Variants in SNX29 observed in about 807,000 individuals in gnomAD.
The protein encoded by SNX29 is sorting nexin 29.
Under a neutral mutation model 102.1 loss-of-function variants are expected in SNX29, and 78 were observed. That is an observed-to-expected ratio of 0.76 (90% CI 0.64 to 0.92). The LOEUF (loss-of-function observed/expected upper bound fraction) is 0.92. Ranked by LOEUF, SNX29 falls within the 40% of genes least tolerant of loss-of-function variation. The probability of loss-of-function intolerance (pLI) is 0.00; values close to 1 mark genes in which losing one functional copy is unlikely to be tolerated. For synonymous variants in SNX29, 580 were observed against 414.5 expected (o/e 1.40, Z -4.85); for missense variants, 1,280 against 1,061.7 (o/e 1.21, Z -2.86).
chr16:12,470,779 C>T (rs1385890272), intron 18 of SNX29, among the ~76,000 whole-genome samples: 1 of 152,198 alleles, frequency 6.6e-6, no homozygotes. Context: ...CTATAATTAG[C>T]CCTAATTCTG....
chr16:12,483,536 C>T (rs988231340), intron 19 of SNX29, among the ~76,000 whole-genome samples: 2 of 151,774 alleles, frequency 1.3e-5, no homozygotes, highest in South Asian at 2.1e-4. Flanking sequence ...AGGCTGGTCT[C>T]GAACTCCTGA....
chr16:12,073,065 C>G (rs1384653457), intron 10 of SNX29, among the ~76,000 whole-genome samples: 1 of 151,564 alleles, frequency 6.6e-6, no homozygotes, highest in African/African-American at 2.4e-5. Context: ...CTCTTTTTTT[C>G]TTTATTAGTC....
chr16:12,551,379 C>G (rs1178636197), intron 20 of SNX29, among the ~76,000 whole-genome samples: 1 of 152,156 alleles, frequency 6.6e-6, no homozygotes, highest in African/African-American at 2.4e-5. Context: ...GCAGAACTTC[C>G]CCAACAGTAG....
intron 15 of SNX29, among the ~76,000 whole-genome samples, chr16:12,303,765 T>G (rs1000326654): frequency 6.6e-6 from 1 of 152,244 alleles, no homozygotes; most frequent in African/African-American, 2.4e-5. Context: ...TGAAGTGTTT[T>G]GTAATTTAAA....
In SNX29 at chr16:12,571,851, G is replaced by A. The variant is rs529346804; in HGVS notation, c.*3222G>A. 5.7e-5 allele frequency: 60 copies of A among 1,058,756 alleles called. No individual in the cohort carries two copies. The highest frequency in any genetic ancestry group is 6.6e-5 in the Non-Finnish European group (58 of 874,428). The allele number at this position is 1,058,756 out of a possible 1,614,324, so 65.6% of individuals were successfully genotyped here. The stretch of plus-strand genomic sequence containing the variant: ...CCACTTAGCAGTATGCTCCAATCAC[G>A]TTGCTGGCAAGGCATTTTAGAGTTT... On this transcript the variant is annotated 3_prime_UTR_variant, in exon 21 of 21. Transcript: ENST00000566228.
intron 19 of SNX29, among the ~76,000 whole-genome samples, chr16:12,487,496 C>G (rs2088305112): frequency 6.6e-6 from 1 of 152,164 alleles, no homozygotes; most frequent in South Asian, 2.1e-4. Context: ...TGCCCAAGCT[C>G]CCGTAGCTTG....
At chr16:12,062,638 G>T (rs1331278527) in intron 9 of SNX29, among the ~76,000 whole-genome samples, 2 of 152,102 alleles carry the variant, frequency 1.3e-5, no homozygotes, top group East Asian at 3.9e-4. Context: ...GGTCAGAGAA[G>T]ACTTGGCCCA....
rs746923870 is a variant in SNX29, at chr16:12,392,392, T to C, written c.1900-6054T>C. On this transcript the variant is annotated intron_variant, in intron 16 of 20. Transcript: ENST00000566228. ...AAGTAGATGTCCATTCTTAGTGAAG[T>C]AGTAAGTTCGATCATTTCCCCATGC... Among the ~76,000 whole-genome samples, 43 of 152,192 alleles carry C rather than the reference T, an allele frequency of 2.8e-4. 1 individual carries two copies. The highest frequency in any genetic ancestry group is 1.6e-4 in the Non-Finnish European group (11 of 68,038).
chr16:12,254,635 A>C (rs914198131), intron 14 of SNX29, among the ~76,000 whole-genome samples: 1 of 149,912 alleles, frequency 6.7e-6, no homozygotes, highest in Non-Finnish European at 1.5e-5. Flanking sequence ...AGCACCAGAG[A>C]CTCCATCTCC....
intron 17 of SNX29, among the ~76,000 whole-genome samples, chr16:12,401,359 A>ATT (rs35886680): frequency 0.054 from 5,505 of 101,366 alleles, 249 homozygotes; most frequent in East Asian, 0.072. Flanking sequence ...ATAGAGTTAA[A>ATT]TTTTTTTTTT....
chr16:12,012,997 A>G (rs188022088), intron 3 of SNX29, among the ~76,000 whole-genome samples: 1 of 141,020 alleles, frequency 7.1e-6, no homozygotes, highest in East Asian at 2.5e-4. Context: ...CCCAGGATGC[A>G]TGGGTTGGGG....
chr16:12,481,439 TAC>T (rs1304603431), intron 19 of SNX29, among the ~76,000 whole-genome samples: 7 of 134,604 alleles, frequency 5.2e-5, no homozygotes, highest in African/African-American at 8.9e-5. Flanking sequence ...TACACATATA[TAC>T]ACACACATAT....
At chr16:12,188,290 A>G (rs1393521223) in intron 13 of SNX29, among the ~76,000 whole-genome samples, 2 of 152,362 alleles carry the variant, frequency 1.3e-5, no homozygotes, top group South Asian at 4.1e-4. Flanking sequence ...ATCCCATTTT[A>G]TAAATGCTAA....
chr16:12,487,262 G>A (rs532811769), intron 19 of SNX29, among the ~76,000 whole-genome samples: 1 of 152,160 alleles, frequency 6.6e-6, no homozygotes, highest in Non-Finnish European at 1.5e-5. Context: ...CATCCCCAGC[G>A]ATGCCAGGAC....
chr16:12,109,466 C>T (rs971511862), intron 11 of SNX29, among the ~76,000 whole-genome samples: 2 of 152,172 alleles, frequency 1.3e-5, no homozygotes, highest in African/African-American at 4.8e-5. Flanking sequence ...TCTTAAAGGC[C>T]CCACGTCTCA....
At chr16:12,363,645 C>G (rs943800076) in intron 16 of SNX29, among the ~76,000 whole-genome samples, 1 of 152,184 alleles carries the variant, frequency 6.6e-6, no homozygotes, top group South Asian at 2.1e-4. Context: ...TAAATGTTTG[C>G]TACATGATGA....
chr16:12,322,146 A>G (rs1411274506), intron 15 of SNX29, among the ~76,000 whole-genome samples: 5 of 152,128 alleles, frequency 3.3e-5, no homozygotes, highest in African/African-American at 1.2e-4. Context: ...TTGAGAACAA[A>G]TGCTTGTCCC....
At chr16:12,069,219 C>A in intron 10 of SNX29, 87 bp downstream of exon 10, 2 of 1,140,132 alleles carry the variant, frequency 1.8e-6, no homozygotes, top group Non-Finnish European at 2.5e-6. Flanking sequence ...GATAGGAGTG[C>A]ACCTGCTAGG....
At chr16:12,519,155 C>A (rs966130653) in intron 19 of SNX29, among the ~76,000 whole-genome samples, 1 of 152,160 alleles carries the variant, frequency 6.6e-6, no homozygotes, top group African/African-American at 2.4e-5. Flanking sequence ...GGGTTTTATG[C>A]AGAAATCTCC....
Sources: gnomAD v4.1 joint callset for allele counts (sites outside exome capture counted in the v4.1 genomes callset) on GRCh38, gnomAD v4.1.1 for gene constraint, MANE v1.5 for transcripts, NCBI Gene and HGNC (gene_info 2026-07-23, HGNC 2026-07-21) for gene names.